DLG2: variants seen among roughly 807,000 people sequenced by gnomAD.
The protein encoded by DLG2 is disks large homolog 2.
Under a neutral mutation model 132.5 loss-of-function variants are expected in DLG2, and 45 were observed. The ratio of observed to expected loss-of-function variants is 0.34; its 90% confidence interval spans 0.27 to 0.44. DLG2 has a LOEUF of 0.44. Ranked by LOEUF, DLG2 falls within the 20% of genes least tolerant of loss-of-function variation. DLG2 has a pLI of 1.00. For synonymous variants in DLG2, 424 were observed against 419.6 expected (o/e 1.01, Z -0.13); for missense variants, 1,045 against 1,196.9 (o/e 0.87, Z 1.87).
intron 21 of DLG2, among the ~76,000 whole-genome samples, chr11:83,529,165 C>G (rs145248339): frequency 6.6e-6 from 1 of 152,184 alleles, no homozygotes; most frequent in African/African-American, 2.4e-5. Flanking sequence ...CCCTATTATC[C>G]TTCTCATTCC....
intron 6 of DLG2, among the ~76,000 whole-genome samples, chr11:84,634,438 A>G (rs2154544209): frequency 1.3e-5 from 2 of 152,296 alleles, no homozygotes; most frequent in Non-Finnish European, 2.9e-5. Context: ...ACAGACTACA[A>G]CCTACTCTTT....
chr11:84,139,644 A>G (rs1400284216), intron 9 of DLG2, among the ~76,000 whole-genome samples: 2 of 152,148 alleles, frequency 1.3e-5, no homozygotes, highest in Non-Finnish European at 2.9e-5. Context: ...CCTGCTGTAC[A>G]GATGAGAATA....
chr11:84,526,255 G>A (rs559935338), intron 7 of DLG2, among the ~76,000 whole-genome samples: 1 of 152,108 alleles, frequency 6.6e-6, no homozygotes, highest in Non-Finnish European at 1.5e-5. Flanking sequence ...CTCCTCAAAT[G>A]TGTTTAAGCA....
chr11:85,049,070 T>C (rs1291641931), intron 6 of DLG2, among the ~76,000 whole-genome samples: 2 of 152,060 alleles, frequency 1.3e-5, no homozygotes, highest in Non-Finnish European at 2.9e-5. Flanking sequence ...TCATTCTCTA[T>C]GAGTATATTG....
intron 3 of DLG2, among the ~76,000 whole-genome samples, chr11:85,413,666 T>A (rs929652918): frequency 1.3e-5 from 2 of 152,088 alleles, no homozygotes; most frequent in African/African-American, 2.4e-5. Flanking sequence ...AAGGTGTCCT[T>A]TCCACACTTT....
intron 7 of DLG2, among the ~76,000 whole-genome samples, chr11:84,432,202 A>G (rs1301344573): frequency 6.6e-6 from 1 of 152,238 alleles, no homozygotes; most frequent in Non-Finnish European, 1.5e-5. Context: ...AGTGATGGAT[A>G]CAGCCAGGCT....
chr11:84,273,621 A>T (rs527740572), intron 7 of DLG2, among the ~76,000 whole-genome samples: 1 of 152,272 alleles, frequency 6.6e-6, no homozygotes, highest in African/African-American at 2.4e-5. Context: ...CTACCAGAAG[A>T]TTTGGGTGGC....
rs192919049 is a variant in DLG2, at chr11:84,281,387, C to T, written c.520-30096G>A. ...TGAAAAGAGATACTTACAAATCATACATCTCATAAAGGACTTGTTTCTAAA... is the reference window on the plus strand; with the variant it reads ...TGAAAAGAGATACTTACAAATCATATATCTCATAAAGGACTTGTTTCTAAA... On this transcript the variant is annotated intron_variant, in intron 7 of 27. Coordinates refer to ENST00000376104, the MANE Select transcript of DLG2 (RefSeq NM_001142699.3). Among the ~76,000 whole-genome samples the T allele has an allele frequency of 7.9e-5, 12 of 152,114 alleles. No individual in the cohort carries two copies. The East Asian group carries it at 1.2e-3, about 15-fold the overall frequency.
intron 3 of DLG2, among the ~76,000 whole-genome samples, chr11:85,460,425 C>T (rs2092569153): frequency 6.6e-6 from 1 of 152,158 alleles, no homozygotes; most frequent in Non-Finnish European, 1.5e-5. Context: ...AACTGTGGGT[C>T]CCTGGGGACT....
At chr11:85,150,511 T>G (rs959440032) in intron 5 of DLG2, among the ~76,000 whole-genome samples, 1 of 152,036 alleles carries the variant, frequency 6.6e-6, no homozygotes, top group Non-Finnish European at 1.5e-5. Flanking sequence ...CCCTCCCTCA[T>G]CTCTCCAGCC....
At chr11:83,879,369 G>A (rs900763097) in intron 15 of DLG2, among the ~76,000 whole-genome samples, 2 of 151,886 alleles carry the variant, frequency 1.3e-5, no homozygotes, top group African/African-American at 2.4e-5. Flanking sequence ...ATCTTCTTAT[G>A]GATATTCAAT....
chr11:85,600,560 T>G (rs951032697), intron 2 of DLG2, among the ~76,000 whole-genome samples: 1 of 152,226 alleles, frequency 6.6e-6, no homozygotes, highest in Non-Finnish European at 1.5e-5. Context: ...AATTGTAAAT[T>G]CCATTAGTCA....
chr11:84,611,577 A>G (rs2154537654), intron 6 of DLG2, among the ~76,000 whole-genome samples: 1 of 152,214 alleles, frequency 6.6e-6, no homozygotes, highest in Middle Eastern at 3.4e-3. Context: ...CTATGCTACT[A>G]TTTTTATCAG....
intron 7 of DLG2, among the ~76,000 whole-genome samples, chr11:84,495,728 C>A (rs562538231): frequency 2.0e-5 from 3 of 152,286 alleles, no homozygotes; most frequent in African/African-American, 7.2e-5. Context: ...GAACACTGGG[C>A]AGAAATGACC....
At chr11:85,168,148 G>T (rs1297543563) in intron 4 of DLG2, among the ~76,000 whole-genome samples, 2 of 152,044 alleles carry the variant, frequency 1.3e-5, no homozygotes, top group African/African-American at 4.8e-5. Context: ...AAGCACTAAA[G>T]AAGATGTTTT....
At chr11:85,010,694 G>C (rs1425152746) in intron 6 of DLG2, among the ~76,000 whole-genome samples, 3 of 152,092 alleles carry the variant, frequency 2.0e-5, no homozygotes, top group Non-Finnish European at 4.4e-5. Flanking sequence ...ATTCATCCTA[G>C]AACTTGACCT....
chr11:84,870,387 G>C lies in DLG2; in HGVS notation c.357+241274C>G, dbSNP rs1332541910. On this transcript the variant is annotated intron_variant, in intron 6 of 27. Transcript: ENST00000376104. ...CCAGCAAGATCCTGTTATTCTTCAA[G>C]CTTAACAAGTGACCTAGAGGAAGAA... 2.0e-5 allele frequency among the ~76,000 whole-genome samples: 3 copies of C among 152,262 alleles called. No homozygotes were observed. The East Asian group carries it at 5.8e-4, about 29-fold the overall frequency.
chr11:84,964,269 C>T (rs2053017216), intron 6 of DLG2, among the ~76,000 whole-genome samples: 1 of 152,072 alleles, frequency 6.6e-6, no homozygotes. Context: ...AATTCATATA[C>T]AACCTTCAGG....
At chr11:84,275,928 T>C (rs2097779672) in intron 7 of DLG2, among the ~76,000 whole-genome samples, 1 of 152,088 alleles carries the variant, frequency 6.6e-6, no homozygotes, top group Admixed American at 6.6e-5. Context: ...TATACAGATA[T>C]AGGGGGAATT....
Sources: allele counts gnomAD v4.1 joint callset (sites outside exome capture counted in the v4.1 genomes callset), GRCh38; gene constraint gnomAD v4.1.1; transcripts MANE v1.5; gene names NCBI Gene and HGNC (gene_info 2026-07-23, HGNC 2026-07-21).